Variants in SERPIND1 observed in about 807,000 individuals in gnomAD.
SERPIND1 encodes the protein heparin cofactor 2.
A neutral mutation model predicts 35.0 loss-of-function variants in SERPIND1; 34 were observed. The observed-to-expected ratio is 0.97, with a 90% CI of 0.74 to 1.29. The LOEUF (loss-of-function observed/expected upper bound fraction) is 1.29, where lower values mean the gene tolerates loss of function less well. Ranked by LOEUF, SERPIND1 falls within the 50% of genes most tolerant of loss-of-function variation. The pLI, the probability that SERPIND1 is intolerant of heterozygous loss-of-function variation, is 0.00. For missense variants in SERPIND1, 633 were observed against 637.7 expected (o/e 0.99, Z 0.08); for synonymous variants, 236 against 241.1 (o/e 0.98, Z 0.19).
intron 1 of SERPIND1, among the ~76,000 whole-genome samples, chr22:20,775,631 T>C (rs1161505908): frequency 2.6e-5 from 4 of 152,214 alleles, no homozygotes; most frequent in East Asian, 1.9e-4. Context: ...GAAAACATTT[T>C]CCCCCTTTGT....
rs990605037 is a variant in SERPIND1 at position 20,786,137 on chromosome 22, G to A, written c.1297G>A (p.Ala433Thr). The change falls in exon 4 of 5, where the codon GCC becomes ACC. Residue 433 changes from alanine to threonine, a missense_variant. Transcript: ENST00000215727. ...GGCAGGCATCTCAGACCAAAGGATCGCCATCGACCTGGTAACCACTCCCTT... is the reference window on the plus strand; with the variant it reads ...GGCAGGCATCTCAGACCAAAGGATCACCATCGACCTGGTAACCACTCCCTT... ...NMAGISDQRIAIDLFKHQGTI... is the reference protein window; with the variant it reads ...NMAGISDQRITIDLFKHQGTI... 5.0e-6 allele frequency: 8 copies of A among 1,613,924 alleles called. No homozygotes were observed. The highest frequency in any genetic ancestry group is 2.2e-5 in the East Asian group (1 of 44,888).
At chr22:20,784,741 C>T (rs1157845127) in intron 3 of SERPIND1, among the ~76,000 whole-genome samples, 3 of 152,108 alleles carry the variant, frequency 2.0e-5, no homozygotes, top group Admixed American at 1.3e-4. Context: ...TATTATTATT[C>T]GTTACTTTGT....
intron 3 of SERPIND1, among the ~76,000 whole-genome samples, chr22:20,785,618 G>A (rs559386027): frequency 1.3e-5 from 2 of 152,066 alleles, no homozygotes; most frequent in African/African-American, 4.8e-5. Flanking sequence ...CTTTTTAAAA[G>A]TACACTACCA....
intron 3 of SERPIND1, 107 bp downstream of exon 3, chr22:20,784,352 AC>A: frequency 6.8e-7 from 1 of 1,469,530 alleles, no homozygotes. Context: ...ATGTACAAGT[AC>A]CCAAGAACTT....
chr22:20,780,322 A>G, intron 2 of SERPIND1, 121 bp downstream of exon 2: 1 of 1,477,108 alleles, frequency 6.8e-7, no homozygotes, highest in African/African-American at 1.4e-5. Context: ...TAGACACAAG[A>G]TTGACTCTGG....
Position 20,780,154 on chromosome 22 carries a change from T to A in SERPIND1, c.842T>A (p.Ile281Lys). 1 of 1,614,212 alleles carries A rather than the reference T, an allele frequency of 6.2e-7. No individual in the cohort carries two copies. Among genetic ancestry groups the A allele is most frequent in the Non-Finnish European group, 8.5e-7 (1 of 1,180,036 alleles). The change falls in exon 2 of 5, where the codon ATA (isoleucine) becomes AAA (lysine). Residue 281 changes from isoleucine to lysine, a missense_variant. Physicochemically the swap from Ile to Lys is moderately radical, Grantham distance 102. Transcript: ENST00000215727. ...CTCATAAAAGATGCTCTGGAGAATA[T>A]AGACCCTGCTACCCAGATGATGATT... ...KGLIKDALEN[I>K]DPATQMMILN...
rs773677395 is a variant in SERPIND1 at position 20,779,687 on chromosome 22, T to C, written c.375T>C (p.Arg125=). The C allele has an allele frequency of 6.2e-7, 1 of 1,614,202 alleles. No individual in the cohort carries two copies. Among genetic ancestry groups the C allele is most frequent in the Non-Finnish European group, 8.5e-7 (1 of 1,180,024 alleles). Residue 125 remains arginine, a synonymous_variant, in exon 2 of 5, where the codon CGT becomes CGC. Transcript: ENST00000215727. ...TTCATGGCAAGAGCCGGATCCAGCG[T>C]CTTAACATCCTCAACGCCAAGTTCG... ...QLFHGKSRIQ[R]LNILNAKFAF...
chr22:20,784,156 G>A lies in SERPIND1; in HGVS notation c.1074G>A (p.Val358=). 3 of 1,614,152 alleles carry A rather than the reference G, an allele frequency of 1.9e-6. No homozygotes were observed. Among genetic ancestry groups the A allele is most frequent in the Non-Finnish European group, 2.5e-6 (3 of 1,180,030 alleles). ...TGGGGGGCATCAGCATGCTAATTGT[G>A]GTCCCACACAAGATGTCTGGGATGA... ...EYVGGISMLI[V]VPHKMSGMKT... The change falls in exon 3 of 5, where the codon GTG becomes GTA. Residue 358 remains valine (V), a synonymous_variant. Coordinates refer to ENST00000215727, the MANE Select transcript of SERPIND1 (RefSeq NM_000185.4).
In SERPIND1 at chr22:20,784,236, T is replaced by A; in HGVS notation, c.1154T>A (p.Met385Lys). The change falls in exon 3 of 5, where the codon ATG becomes AAG. Residue 385 changes from methionine (M) to lysine (K), a missense_variant. By Grantham distance (95) the Met-to-Lys change is moderately conservative. Coordinates refer to ENST00000215727, the MANE Select transcript of SERPIND1 (RefSeq NM_000185.4). ...PRVVERWQKS[M>K]TNRTREVLLP... is the part of the protein sequence containing the mutation. Reference sequence around the variant, plus strand: ...GTGGTGGAGAGATGGCAAAAAAGCATGACAAACAGGTATTTCACACTGTGT... The same window carrying A: ...GTGGTGGAGAGATGGCAAAAAAGCAAGACAAACAGGTATTTCACACTGTGT... 1.2e-6 allele frequency: 2 copies of A among 1,614,144 alleles called. No individual in the cohort carries two copies. Among genetic ancestry groups the A allele is most frequent in the Non-Finnish European group, 1.7e-6 (2 of 1,180,014 alleles).
At position 20,784,199 on chromosome 22, in the gene SERPIND1, C is replaced by A. The variant is rs142898872; in HGVS notation, c.1117C>A (p.Leu373Met). The A allele has an allele frequency of 6.2e-7, 1 of 1,614,214 alleles. No homozygotes were observed. Among genetic ancestry groups the A allele is most frequent in the Non-Finnish European group, 8.5e-7 (1 of 1,180,046 alleles). The change falls in exon 3 of 5, where the codon CTG becomes ATG. Residue 373 changes from leucine to methionine, a missense_variant. Leu to Met is a conservative substitution (Grantham distance 15, BLOSUM62 2). Transcript: ENST00000215727. ...MSGMKTLEAQLTPRVVERWQK... is the reference protein window; with the variant it reads ...MSGMKTLEAQMTPRVVERWQK... Reference sequence around the variant, plus strand: ...TGGGATGAAGACCCTCGAAGCGCAACTGACACCCCGGGTGGTGGAGAGATG... The same window carrying A: ...TGGGATGAAGACCCTCGAAGCGCAAATGACACCCCGGGTGGTGGAGAGATG...
intron 3 of SERPIND1, among the ~76,000 whole-genome samples, chr22:20,784,515 T>C (rs749285501): frequency 2.0e-4 from 30 of 152,312 alleles, no homozygotes; most frequent in Non-Finnish European, 2.5e-4. Flanking sequence ...GCTTGCTTTG[T>C]GGCTTCGAGT....
Position 20,784,082 on chromosome 22 carries a change from G to A in SERPIND1, c.1000G>A (p.Ala334Thr), listed in dbSNP as rs370736969. The A allele has an allele frequency of 6.2e-6, 10 of 1,614,014 alleles. No individual in the cohort carries two copies. The highest frequency in any genetic ancestry group is 2.7e-5 in the African/African-American group (2 of 74,898). ...SMMQTKGNFL[A>T]ANDQELDCDI... ...GATGCAGACCAAGGGGAACTTCCTC[G>A]CAGCAAATGACCAGGAGCTGGACTG... is the stretch of plus-strand genomic sequence containing the variant. The change falls in exon 3 of 5, where the codon GCA becomes ACA. Residue 334 changes from alanine (A) to threonine (T), a missense_variant. Transcript: ENST00000215727.
rs1933731715 is a variant in SERPIND1, at chr22:20,780,788, A to AAAAAAAAAAAAAAAAAAAAAAAC, written c.889+590_889+591insAAAAAAAAAAAAAAAAAAACAAA. On this transcript the variant is annotated intron_variant, in intron 2 of 4. Transcript: ENST00000215727. ...GAGACTCCATCTCAAAAAAAAAAAA[A>AAAAAAAAAAAAAAAAAAAAAAAC]AAAGAAGTAAAACGATGCTCCAAGG... Among the ~76,000 whole-genome samples, 2 of 151,334 alleles carry AAAAAAAAAAAAAAAAAAAAAAAC rather than the reference A, an allele frequency of 1.3e-5. 1 individual carries two copies. Among genetic ancestry groups the AAAAAAAAAAAAAAAAAAAAAAAC allele is most frequent in the African/African-American group, 4.9e-5 (2 of 41,158 alleles).
chr22:20,780,641 C>A (rs370928317), intron 2 of SERPIND1, among the ~76,000 whole-genome samples: 1 of 151,654 alleles, frequency 6.6e-6, no homozygotes, highest in African/African-American at 2.4e-5. Flanking sequence ...CTGGGCCTGG[C>A]GGTGGGTGCC....
At chr22:20,784,727 C>A (rs761912798) in intron 3 of SERPIND1, among the ~76,000 whole-genome samples, 2 of 152,038 alleles carry the variant, frequency 1.3e-5, no homozygotes, top group East Asian at 1.9e-4. Flanking sequence ...TTCATGATTT[C>A]CTCTATTATT....
intron 4 of SERPIND1, among the ~76,000 whole-genome samples, chr22:20,786,575 C>A (rs923807378): frequency 6.6e-6 from 1 of 152,220 alleles, no homozygotes; most frequent in African/African-American, 2.4e-5. Context: ...AGTTCCCCAT[C>A]CCGGAGAAGT....
intron 1 of SERPIND1, among the ~76,000 whole-genome samples, chr22:20,774,814 GA>G (rs1249686812): frequency 1.3e-5 from 2 of 151,644 alleles, no homozygotes; most frequent in Non-Finnish European, 2.9e-5. Flanking sequence ...CAAGATATAG[GA>G]GACCTACTCT....
At chr22:20,775,267 T>G (rs576197526) in intron 1 of SERPIND1, among the ~76,000 whole-genome samples, 10 of 152,322 alleles carry the variant, frequency 6.6e-5, no homozygotes, top group Middle Eastern at 3.4e-3. Context: ...AACAGTAATC[T>G]GGATTTAATC....
At chr22:20,785,442 C>A (rs1215989498) in intron 3 of SERPIND1, among the ~76,000 whole-genome samples, 1 of 152,178 alleles carries the variant, frequency 6.6e-6, no homozygotes, top group East Asian at 1.9e-4. Context: ...AAGATCAAGC[C>A]TTCCTGCCCA....
Sources: gnomAD v4.1 joint callset for allele counts (sites outside exome capture counted in the v4.1 genomes callset) on GRCh38, gnomAD v4.1.1 for gene constraint, MANE v1.5 for transcripts, NCBI Gene and HGNC (gene_info 2026-07-23, HGNC 2026-07-21) for gene names.